FOXP1: variants seen among roughly 807,000 people sequenced by gnomAD.
FOXP1 encodes forkhead box P1.
FOXP1 carries 15 observed loss-of-function variants against 98.2 expected under a neutral mutation model. The observed-to-expected ratio is 0.15, with a 90% CI of 0.10 to 0.24. The LOEUF is 0.24. Among genes scored for constraint, FOXP1 ranks in the 10% least tolerant of loss-of-function variants. FOXP1 has a pLI of 1.00. For missense variants in FOXP1, 633 were observed against 848.5 expected (o/e 0.75, Z 3.15); for synonymous variants, 371 against 314.5 (o/e 1.18, Z -1.90).
At chr3:71,314,539 A>C (rs1241363265) in intron 4 of FOXP1, among the ~76,000 whole-genome samples, 2 of 150,312 alleles carry the variant, frequency 1.3e-5, no homozygotes, top group Non-Finnish European at 3.0e-5. Context: ...AAATATATAT[A>C]TATATATATA....
chr3:71,474,588 G>A (rs2089654683), intron 3 of FOXP1, among the ~76,000 whole-genome samples: 1 of 152,094 alleles, frequency 6.6e-6, no homozygotes, highest in African/African-American at 2.4e-5. Flanking sequence ...TGTCACATAA[G>A]CAGTGGCATT....
intron 4 of FOXP1, among the ~76,000 whole-genome samples, chr3:71,353,486 TG>T (rs2077936589): frequency 2.6e-5 from 4 of 152,218 alleles, no homozygotes; most frequent in African/African-American, 9.6e-5. Flanking sequence ...TTTTTTTTTC[TG>T]ATTTATTCAC....
chr3:71,074,980 C>T (rs17008167), intron 7 of FOXP1, among the ~76,000 whole-genome samples: 6 of 152,190 alleles, frequency 3.9e-5, no homozygotes, highest in Non-Finnish European at 8.8e-5. Context: ...CATCTCCTTC[C>T]GACACATGAC....
chr3:71,493,153 G>A (rs1313104573), intron 3 of FOXP1, among the ~76,000 whole-genome samples: 7 of 152,092 alleles, frequency 4.6e-5, no homozygotes, highest in East Asian at 3.8e-4. Context: ...CTCATTCAAC[G>A]TTGCACATGG....
intron 4 of FOXP1, among the ~76,000 whole-genome samples, chr3:71,336,104 G>A (rs756748856): frequency 2.7e-4 from 40 of 149,550 alleles, no homozygotes; most frequent in South Asian, 6.4e-4. Flanking sequence ...ATGAAAGACC[G>A]TAGGGTCATA....
intron 6 of FOXP1, among the ~76,000 whole-genome samples, chr3:71,188,920 TA>T (rs924485335): frequency 1.3e-5 from 2 of 151,584 alleles, no homozygotes; most frequent in Middle Eastern, 3.2e-3. Context: ...TTACCAACCT[TA>T]AAAAAAAATC....
At chr3:71,579,001 G>T (rs1168519203) in intron 2 of FOXP1, among the ~76,000 whole-genome samples, 1 of 152,072 alleles carries the variant, frequency 6.6e-6, no homozygotes, top group Non-Finnish European at 1.5e-5. Context: ...TACAATAAAG[G>T]TATATCTAGT....
chr3:71,300,899 A>G (rs1198863855), intron 4 of FOXP1, among the ~76,000 whole-genome samples: 1 of 152,206 alleles, frequency 6.6e-6, no homozygotes, highest in Non-Finnish European at 1.5e-5. Flanking sequence ...TCAGCCCTGA[A>G]TGTGGAAAGG....
intron 2 of FOXP1, among the ~76,000 whole-genome samples, chr3:71,502,422 T>C (rs1046161711): frequency 1.3e-5 from 2 of 152,238 alleles, no homozygotes; most frequent in Non-Finnish European, 2.9e-5. Context: ...TTGTTTTGAG[T>C]CTTGCTCTAT....
intron 7 of FOXP1, among the ~76,000 whole-genome samples, chr3:71,092,986 C>T (rs747680736): frequency 1.3e-4 from 20 of 152,280 alleles, no homozygotes; most frequent in South Asian, 2.1e-4. Flanking sequence ...AAAGCTCAGG[C>T]GTGGTGGCTC....
rs574679381 is a variant in FOXP1 at position 71,314,096 on chromosome 3, C to A, written c.-72-14216G>T. ...TTGTAGAATAAATGCATTGACATGT[C>A]ATAAGTACTTAGAATAGTGTATGGC... is the stretch of plus-strand genomic sequence containing the variant. On this transcript the variant is annotated intron_variant, in intron 4 of 20. Coordinates refer to ENST00000649528, the MANE Select transcript of FOXP1 (RefSeq NM_001349338.3). 7.3e-3 allele frequency among the ~76,000 whole-genome samples: 1,112 copies of A among 152,266 alleles called. 29 individuals carry two copies. Among genetic ancestry groups the A allele is most frequent in the Non-Finnish European group, 4.7e-3 (318 of 68,016 alleles).
At chr3:71,526,466 G>T (rs2043388819) in intron 2 of FOXP1, among the ~76,000 whole-genome samples, 1 of 152,166 alleles carries the variant, frequency 6.6e-6, no homozygotes, top group Non-Finnish European at 1.5e-5. Context: ...ATAGAAACCT[G>T]CAAGGAATAA....
intron 4 of FOXP1, among the ~76,000 whole-genome samples, chr3:71,349,316 T>C (rs2077612930): frequency 6.6e-6 from 1 of 152,240 alleles, no homozygotes; most frequent in Admixed American, 6.5e-5. Flanking sequence ...AAATGCATCA[T>C]TTTAACATAA....
chr3:71,193,139 G>T (rs1368362760), intron 6 of FOXP1, among the ~76,000 whole-genome samples: 2 of 151,300 alleles, frequency 1.3e-5, no homozygotes, highest in African/African-American at 4.9e-5. Flanking sequence ...TGTTGTTGTT[G>T]TTGTTGTTTA....
At chr3:71,434,163 T>C (rs2084986380) in intron 3 of FOXP1, among the ~76,000 whole-genome samples, 1 of 152,068 alleles carries the variant, frequency 6.6e-6, no homozygotes, top group Non-Finnish European at 1.5e-5. Context: ...CAGACCAACT[T>C]GAAGAAACAG....
intron 3 of FOXP1, among the ~76,000 whole-genome samples, chr3:71,426,363 T>C (rs78415441): frequency 0.025 from 3,872 of 152,252 alleles, 66 homozygotes; most frequent in Middle Eastern, 0.058. Flanking sequence ...GGAAGGACCA[T>C]GGAAACGTAT....
At chr3:71,341,807 G>T (rs911359331) in intron 4 of FOXP1, among the ~76,000 whole-genome samples, 2 of 152,214 alleles carry the variant, frequency 1.3e-5, no homozygotes, top group Non-Finnish European at 2.9e-5. Flanking sequence ...CTCTCCAGTC[G>T]TAAGACTGAA....
chr3:71,476,984 C>T (rs889486641), intron 3 of FOXP1, among the ~76,000 whole-genome samples: 1 of 152,158 alleles, frequency 6.6e-6, no homozygotes, highest in African/African-American at 2.4e-5. Flanking sequence ...TTATCTCATT[C>T]TCCCTCTTGC....
At chr3:70,975,003 C>T (rs1253445104) in intron 17 of FOXP1, among the ~76,000 whole-genome samples, 1 of 152,142 alleles carries the variant, frequency 6.6e-6, no homozygotes, top group East Asian at 1.9e-4. Flanking sequence ...TCAGTCATAA[C>T]CTTAACTGGG....
Sources: gnomAD v4.1 joint callset for allele counts (sites outside exome capture counted in the v4.1 genomes callset) on GRCh38, gnomAD v4.1.1 for gene constraint, MANE v1.5 for transcripts, NCBI Gene and HGNC (gene_info 2026-07-23, HGNC 2026-07-21) for gene names.